Variants in FAR1 observed in about 807,000 individuals in gnomAD.
FAR1 encodes the protein male sterility domain-containing protein 2.
FAR1 carries 22 observed loss-of-function variants against 61.1 expected under a neutral mutation model. That is an observed-to-expected ratio of 0.36 (90% CI 0.26 to 0.51). The LOEUF (loss-of-function observed/expected upper bound fraction) is 0.51. Ranked by LOEUF, FAR1 falls within the 20% of genes least tolerant of loss-of-function variation. FAR1 has a pLI of 0.95. For synonymous variants in FAR1, 206 were observed against 209.7 expected (o/e 0.98, Z 0.15); for missense variants, 359 against 626.9 (o/e 0.57, Z 4.56).
chr11:13,670,985 A>G (rs189338995), intron 1 of FAR1, among the ~76,000 whole-genome samples: 65 of 152,332 alleles, frequency 4.3e-4, no homozygotes, highest in Non-Finnish European at 7.6e-4. Context: ...TTTGCTGTGT[A>G]ACATGTTTGC....
Position 13,728,595 on chromosome 11 carries a change from C to G in FAR1, c.1386-17C>G. The stretch of plus-strand genomic sequence containing the variant: ...CTAGAAAATACTGTCTAACATATCT[C>G]TTGATTTGCTTTCCAGGTTGCGGAA... On this transcript the variant is annotated splice_polypyrimidine_tract_variant and intron_variant, in intron 11 of 11. Transcript: ENST00000354817. 1 of 1,606,130 alleles carries G rather than the reference C, an allele frequency of 6.2e-7. No individual in the cohort carries two copies. Among genetic ancestry groups the G allele is most frequent in the Non-Finnish European group, 8.5e-7 (1 of 1,174,134 alleles).
At chr11:13,708,445 G>GCACA (rs1208535632) in intron 4 of FAR1, among the ~76,000 whole-genome samples, 5 of 81,194 alleles carry the variant, frequency 6.2e-5, no homozygotes, top group African/African-American at 1.7e-4. Flanking sequence ...GCGCGCGCGC[G>GCACA]CGCACACACA....
intron 1 of FAR1, among the ~76,000 whole-genome samples, chr11:13,688,458 T>G (rs1448086222): frequency 6.6e-6 from 1 of 152,136 alleles, no homozygotes; most frequent in African/African-American, 2.4e-5. Context: ...GGCAGATGTC[T>G]TGATAACTGA....
intron 1 of FAR1, among the ~76,000 whole-genome samples, chr11:13,676,025 T>TG (rs916773099): frequency 1.4e-4 from 22 of 152,258 alleles, no homozygotes; most frequent in African/African-American, 3.8e-4. Context: ...CAAATATCCT[T>TG]GGGGGGTCTG....
chr11:13,671,877 T>C (rs1848009025), intron 1 of FAR1, among the ~76,000 whole-genome samples: 1 of 152,172 alleles, frequency 6.6e-6, no homozygotes, highest in South Asian at 2.1e-4. Context: ...TCAGACCTCA[T>C]CTATTTTCTA....
chr11:13,673,556 C>A (rs1198905101), intron 1 of FAR1, among the ~76,000 whole-genome samples: 1 of 152,040 alleles, frequency 6.6e-6, no homozygotes, highest in East Asian at 1.9e-4. Flanking sequence ...ATACCTTCAA[C>A]TGAAAAAAAA....
At position 13,730,241 on chromosome 11, in the gene FAR1, A is replaced by G. The variant is rs1181860533; in HGVS notation, c.*1467A>G. 3 of 152,438 alleles carry G rather than the reference A, an allele frequency of 2.0e-5. No homozygotes were observed. Among genetic ancestry groups the G allele is most frequent in the South Asian group, 4.1e-4 (2 of 4,834 alleles). 9.4% of individuals were successfully genotyped at this position (152,438 alleles called of 1,614,324 possible). A position where few individuals can be genotyped will look rare whatever the true frequency, so the allele number is the denominator to read the frequency against. ...CTTTACATCTTAACTTTCTTTGTCA[A>G]TTTAAATGCAATGTATAAAAAGTTT... On this transcript the variant is annotated 3_prime_UTR_variant, in exon 12 of 12. Coordinates refer to ENST00000354817, the MANE Select transcript of FAR1 (RefSeq NM_032228.6).
At chr11:13,724,419 G>A (rs1012602985) in intron 10 of FAR1, among the ~76,000 whole-genome samples, 13 of 151,782 alleles carry the variant, frequency 8.6e-5, no homozygotes, top group Admixed American at 2.0e-4. Flanking sequence ...GCGTGGTGGC[G>A]CATGCCTGTA....
At chr11:13,704,046 A>G (rs2134186668) in intron 3 of FAR1, among the ~76,000 whole-genome samples, 1 of 67,250 alleles carries the variant, frequency 1.5e-5, no homozygotes, top group East Asian at 3.2e-4. Context: ...CTCCGTCTCA[A>G]AAAAAAAAAA....
At chr11:13,698,433 G>A (rs2134182507) in intron 2 of FAR1, among the ~76,000 whole-genome samples, 1 of 152,260 alleles carries the variant, frequency 6.6e-6, no homozygotes, top group Admixed American at 6.5e-5. Flanking sequence ...ATTCAGACAA[G>A]TAAATATCTT....
chr11:13,709,428 TTTTCTC>T (rs1191589520), intron 4 of FAR1, among the ~76,000 whole-genome samples: 1 of 152,128 alleles, frequency 6.6e-6, no homozygotes, highest in Non-Finnish European at 1.5e-5. Flanking sequence ...GCATTTTACT[TTTTCTC>T]TTACTAACAA....
chr11:13,697,072 G>T (rs890894638), intron 2 of FAR1, among the ~76,000 whole-genome samples: 1 of 152,178 alleles, frequency 6.6e-6, no homozygotes, highest in Non-Finnish European at 1.5e-5. Context: ...CCAAATGTCT[G>T]TTGGGGACCA....
intron 3 of FAR1, among the ~76,000 whole-genome samples, chr11:13,701,605 G>A (rs181211231): frequency 6.6e-6 from 1 of 152,030 alleles, no homozygotes; most frequent in East Asian, 1.9e-4. Context: ...TCCCCCTATT[G>A]TCTTTATCTA....
At chr11:13,701,794 C>G (rs1335247579) in intron 3 of FAR1, among the ~76,000 whole-genome samples, 1 of 151,954 alleles carries the variant, frequency 6.6e-6, no homozygotes, top group South Asian at 2.1e-4. Flanking sequence ...CCATAGTCAC[C>G]TTACCTACTG....
chr11:13,724,411 G>C (rs914476315), intron 10 of FAR1, among the ~76,000 whole-genome samples: 1 of 151,918 alleles, frequency 6.6e-6, no homozygotes. Context: ...TTAGCCAGGC[G>C]TGGTGGCGCA....
chr11:13,700,206 A>C (rs1848354435), intron 2 of FAR1, 111 bp from the exon 3 acceptor site: 1 of 742,180 alleles, frequency 1.3e-6, no homozygotes, highest in African/African-American at 1.9e-5. Flanking sequence ...GGAATTGTAT[A>C]GTTTAAGTTT....
chr11:13,699,669 A>T, intron 2 of FAR1, among the ~76,000 whole-genome samples: 1 of 152,286 alleles, frequency 6.6e-6, no homozygotes, highest in South Asian at 2.1e-4. Flanking sequence ...TCATTTTGTG[A>T]TCTGATTGTC....
At chr11:13,678,296 G>T (rs991808628) in intron 1 of FAR1, among the ~76,000 whole-genome samples, 2 of 151,974 alleles carry the variant, frequency 1.3e-5, no homozygotes, top group African/African-American at 4.8e-5. Flanking sequence ...ACTGAGTCTC[G>T]CTGTGTCGCC....
chr11:13,691,039 T>TA (rs1465407714), intron 1 of FAR1, among the ~76,000 whole-genome samples: 1 of 152,252 alleles, frequency 6.6e-6, no homozygotes, highest in African/African-American at 2.4e-5. Context: ...CAAAATATCT[T>TA]AGACTGGGTA....
Sources: allele counts gnomAD v4.1 joint callset (sites outside exome capture counted in the v4.1 genomes callset), GRCh38; gene constraint gnomAD v4.1.1; transcripts MANE v1.5; gene names NCBI Gene and HGNC (gene_info 2026-07-23, HGNC 2026-07-21).